Variants in ZSCAN32 observed in about 807,000 individuals in gnomAD.
ZSCAN32 encodes zinc finger and SCAN domain-containing protein 32.
A neutral mutation model predicts 47.4 loss-of-function variants in ZSCAN32; 52 were observed. The observed-to-expected ratio is 1.10, with a 90% CI of 0.88 to 1.38. The LOEUF (loss-of-function observed/expected upper bound fraction) is 1.38. Among genes scored for constraint, ZSCAN32 ranks in the 40% most tolerant of loss-of-function variants. The pLI is 0.00. For synonymous variants in ZSCAN32, 346 were observed against 305.7 expected, an observed-to-expected ratio of 1.13 and a Z score of -1.38; for missense variants, 959 against 846.0, an observed-to-expected ratio of 1.13 and a Z score of -1.66.
At chr16:3,395,618 T>C (rs1233233523) in intron 2 of ZSCAN32, among the ~76,000 whole-genome samples, 2 of 152,238 alleles carry the variant, frequency 1.3e-5, no homozygotes, top group Admixed American at 1.3e-4. Flanking sequence ...GTCTCGGGTA[T>C]GTCCTTATAG....
In ZSCAN32 at chr16:3,383,865, T is replaced by C. The variant is rs139744981; in HGVS notation, c.1235-154A>G. ...TAATTAATAGCTTTTTATTTTCTCA[T>C]TGTAATATTTTTGAGCTCCAAATTA... On this transcript the variant is annotated intron_variant, in intron 6 of 6. Transcript: ENST00000396852. 8.5e-5 allele frequency: 79 copies of C among 926,672 alleles called. No homozygotes were observed. The African/African-American group carries it at 1.1e-3, about 13-fold the overall frequency. 57.4% of individuals were successfully genotyped at this position (926,672 alleles called of 1,614,324 possible).
chr16:3,384,330 T>C, intron 6 of ZSCAN32, 129 bp downstream of exon 6: 12 of 1,375,724 alleles, frequency 8.7e-6, no homozygotes, highest in Non-Finnish European at 1.2e-5. Flanking sequence ...AAACCAAAAC[T>C]TGGATAGGGT....
chr16:3,396,449 A>G (rs2033376400), intron 2 of ZSCAN32, among the ~76,000 whole-genome samples: 2 of 152,162 alleles, frequency 1.3e-5, no homozygotes, highest in South Asian at 4.1e-4. Flanking sequence ...CCAGCCATGC[A>G]GACTCTGGCA....
intron 5 of ZSCAN32, 51 bp from the exon 6 acceptor site, chr16:3,384,992 A>C: frequency 6.4e-7 from 1 of 1,564,094 alleles, no homozygotes; most frequent in South Asian, 1.2e-5. Context: ...ATCATGGAGG[A>C]CTGTACATAC....
intron 1 of ZSCAN32, among the ~76,000 whole-genome samples, chr16:3,400,678 G>T (rs2033812191): frequency 6.6e-6 from 1 of 152,212 alleles, no homozygotes; most frequent in Non-Finnish European, 1.5e-5. Context: ...GAGTGGGCGA[G>T]ACAGGGACGA....
chr16:3,394,686 C>T (rs939223974), intron 2 of ZSCAN32, among the ~76,000 whole-genome samples: 10 of 152,176 alleles, frequency 6.6e-5, no homozygotes, highest in African/African-American at 2.4e-4. Flanking sequence ...CCAGACTCCT[C>T]TTTGCAGCCT....
chr16:3,383,212 C>T lies in ZSCAN32; in HGVS notation c.1734G>A (p.Gln578=). 6.2e-7 allele frequency: 1 copy of T among 1,614,146 alleles called. No homozygotes were observed. Among genetic ancestry groups the T allele is most frequent in the Non-Finnish European group, 8.5e-7 (1 of 1,180,014 alleles). ...TGAAGCTTTTCCCACATTGCCCACA[C>T]TGATAGGGCCTCTCCCCTGTGTGAG... ...LRTHTGERPY[Q]CGQCGKSFNQ... Residue 578 remains glutamine, a synonymous_variant, in exon 7 of 7, where the codon CAG becomes CAA. Transcript: ENST00000396852.
Position 3,383,515 on chromosome 16 carries a change from T to A in ZSCAN32, c.1431A>T (p.Pro477=), listed in dbSNP as rs2031518346. ...NSPGESEEKT[P]SQEKMSHQSF... ...TCTGGTGACTCATCTTCTCCTGGGA[T>A]GGGGTTTTCTCCTCACTCTCCCCTG... Residue 477 remains proline (P), a synonymous_variant, in exon 7 of 7, where the codon CCA becomes CCT. Transcript: ENST00000396852. 1 of 1,613,964 alleles carries A rather than the reference T, an allele frequency of 6.2e-7. No homozygotes were observed. Among genetic ancestry groups the A allele is most frequent in the African/African-American group, 1.3e-5 (1 of 74,922 alleles).
intron 6 of ZSCAN32, chr16:3,384,211 T>C (rs1017132969): frequency 3.3e-6 from 2 of 597,756 alleles, no homozygotes; most frequent in African/African-American, 3.7e-5. Context: ...AGTCTGACAA[T>C]GCATAGTGAA....
chr16:3,391,243 T>C (rs894987277), intron 3 of ZSCAN32, among the ~76,000 whole-genome samples: 2 of 152,298 alleles, frequency 1.3e-5, no homozygotes, highest in East Asian at 3.9e-4. Context: ...CCTGCTTCTC[T>C]TTACTTACAG....
Position 3,383,109 on chromosome 16 carries a change from T to G in ZSCAN32, c.1837A>C (p.Arg613=). 1 of 1,614,170 alleles carries G rather than the reference T, an allele frequency of 6.2e-7. No homozygotes were observed. Among genetic ancestry groups the G allele is most frequent in the Non-Finnish European group, 8.5e-7 (1 of 1,180,020 alleles). The change falls in exon 7 of 7, where the codon AGA becomes CGA. Residue 613 remains arginine (R), a synonymous_variant. Coordinates refer to ENST00000396852, the MANE Select transcript of ZSCAN32 (RefSeq NM_001284527.2). ...CTGAACTGGGAACTGTTGTTGAATC[T>G]CTTTCCACAGACAATGCACTGGTAA... is the stretch of plus-strand genomic sequence containing the variant. ...KPYQCIVCGK[R]FNNSSQFSAH...
At chr16:3,394,312 C>T (rs1028137901) in intron 2 of ZSCAN32, among the ~76,000 whole-genome samples, 4 of 152,134 alleles carry the variant, frequency 2.6e-5, no homozygotes, top group Non-Finnish European at 4.4e-5. Context: ...ATTTATATGA[C>T]AGCACCTAGC....
intron 4 of ZSCAN32, 139 bp downstream of exon 4, chr16:3,390,284 G>A: frequency 1.5e-6 from 2 of 1,366,912 alleles, no homozygotes; most frequent in Non-Finnish European, 2.0e-6. Flanking sequence ...GCCATGTGAT[G>A]ATGTCAGAGT....
At chr16:3,383,772 C>A (rs2031573194) in intron 6 of ZSCAN32, 61 bp from the exon 7 acceptor site, 1 of 1,494,814 alleles carries the variant, frequency 6.7e-7, no homozygotes, top group Non-Finnish European at 8.9e-7. Flanking sequence ...CAATGGAATG[C>A]AAAGTTATAA....
At chr16:3,391,093 G>T (rs1184600731) in intron 3 of ZSCAN32, among the ~76,000 whole-genome samples, 1 of 152,146 alleles carries the variant, frequency 6.6e-6, no homozygotes, top group African/African-American at 2.4e-5. Flanking sequence ...CAAATAAAAT[G>T]AATCATGTCT....
rs561672787 is a variant in ZSCAN32 at position 3,390,168 on chromosome 16, A to ATAGCACCAC, written c.628-44_628-36dup. The ATAGCACCAC allele has an allele frequency of 2.4e-4, 384 of 1,569,074 alleles. 1 individual carries two copies. The African/African-American group carries it at 4.8e-3, about 20-fold the overall frequency. ...CACTGGAGCTGCTGCTACCGATAAA[A>ATAGCACCAC]TAGCACCACTCTAGCCTGGGGTGGG... On this transcript the variant is annotated intron_variant, in intron 4 of 6. Transcript: ENST00000396852.
At chr16:3,383,811 G>A in intron 6 of ZSCAN32, 100 bp from the exon 7 acceptor site, 5 of 1,229,728 alleles carry the variant, frequency 4.1e-6, no homozygotes, top group Non-Finnish European at 5.4e-6. Context: ...ATATCTAATT[G>A]AAATTCTTCA....
At position 3,393,698 on chromosome 16, in the gene ZSCAN32, A is replaced by T; in HGVS notation, c.483T>A (p.Thr161=). 1 of 1,550,218 alleles carries T rather than the reference A, an allele frequency of 6.5e-7. No individual in the cohort carries two copies. Among genetic ancestry groups the T allele is most frequent in the South Asian group, 1.2e-5 (1 of 84,028 alleles). Residue 161 remains threonine, a synonymous_variant, in exon 3 of 7, where the codon ACT becomes ACA. Coordinates refer to ENST00000396852, the MANE Select transcript of ZSCAN32 (RefSeq NM_001284527.2). ...GGTGTGAGCTCTGTGATCCCTTAAAAGTCGGTTCCTCTGGCTGAACCTCCT... is the reference window on the plus strand; with the variant it reads ...GGTGTGAGCTCTGTGATCCCTTAAATGTCGGTTCCTCTGGCTGAACCTCCT... The part of the protein sequence containing the change: ...WKQEVQPEEP[T]FKGSQSSHQR...
chr16:3,390,986 C>A (rs1476134755), intron 3 of ZSCAN32, among the ~76,000 whole-genome samples: 1 of 152,086 alleles, frequency 6.6e-6, no homozygotes, highest in Non-Finnish European at 1.5e-5. Context: ...TTTTTCACAC[C>A]AAGATAATAC....
Sources: allele counts gnomAD v4.1 joint callset (sites outside exome capture counted in the v4.1 genomes callset), GRCh38; gene constraint gnomAD v4.1.1; transcripts MANE v1.5; gene names NCBI Gene and HGNC (gene_info 2026-07-23, HGNC 2026-07-21).